Variants in CNNM4 observed in about 807,000 individuals in gnomAD.
The protein encoded by CNNM4 is metal transporter CNNM4.
A neutral mutation model predicts 53.7 loss-of-function variants in CNNM4; 32 were observed. That is an observed-to-expected ratio of 0.60 (90% CI 0.45 to 0.80). The LOEUF (loss-of-function observed/expected upper bound fraction) is 0.80. CNNM4 is among the 30% of genes least tolerant of loss of function. CNNM4 has a pLI of 0.00. For synonymous variants in CNNM4, 410 were observed against 440.0 expected (o/e 0.93, Z 0.85); for missense variants, 784 against 1,022.0 (o/e 0.77, Z 3.17).
chr2:96,771,038 C>T (rs1574055794), intron 1 of CNNM4, among the ~76,000 whole-genome samples: 1 of 152,170 alleles, frequency 6.6e-6, no homozygotes, highest in Non-Finnish European at 1.5e-5. Context: ...CAGAGGTACC[C>T]GGCTGGCCCT....
chr2:96,766,646 T>C (rs989870251), intron 1 of CNNM4, among the ~76,000 whole-genome samples: 13 of 152,198 alleles, frequency 8.5e-5, no homozygotes, highest in African/African-American at 2.9e-4. Context: ...TTTACTGTGT[T>C]GTCTACTGTC....
In CNNM4 at chr2:96,761,005, G is replaced by A. The variant is rs2078754582; in HGVS notation, c.6G>A (p.Ala2=). The A allele has an allele frequency of 2.6e-6, 3 of 1,154,040 alleles. No individual in the cohort carries two copies. Among genetic ancestry groups the A allele is most frequent in the Non-Finnish European group, 3.2e-6 (3 of 938,230 alleles). 71.5% of individuals were successfully genotyped at this position (1,154,040 alleles called of 1,614,324 possible). The change falls in exon 1 of 7, where the codon GCG becomes GCA. Residue 2 remains alanine (A), a synonymous_variant. Transcript: ENST00000377075. The surrounding 1 kb of genome is among the most constrained non-coding windows in gnomAD (Gnocchi z 6.0). Reference sequence around the variant, plus strand: ...GGCGGCAGAGCCAGAGCAACATGGCGCCGGTGGGCGGGGGCGGGCGCCCGG... The same window carrying A: ...GGCGGCAGAGCCAGAGCAACATGGCACCGGTGGGCGGGGGCGGGCGCCCGG... M[A]PVGGGGRPVG...
At chr2:96,763,834 CAGAGACTGG>C (rs2078787689) in intron 1 of CNNM4, among the ~76,000 whole-genome samples, 1 of 138,420 alleles carries the variant, frequency 7.2e-6, no homozygotes, top group African/African-American at 2.7e-5. Flanking sequence ...GGCCTCCCTG[CAGAGACTGG>C]AGAGACAGAC....
At chr2:96,804,671 G>A (rs928421383) in intron 5 of CNNM4, among the ~76,000 whole-genome samples, 3 of 152,006 alleles carry the variant, frequency 2.0e-5, no homozygotes, top group African/African-American at 4.8e-5. Flanking sequence ...AACGTGCTGG[G>A]ATTACAGGCG....
intron 1 of CNNM4, among the ~76,000 whole-genome samples, chr2:96,765,131 G>GT (rs775265974): frequency 3.5e-3 from 340 of 96,306 alleles, no homozygotes; most frequent in South Asian, 9.5e-3. Context: ...GTTTGTTGTT[G>GT]TTTTTTTTTT....
chr2:96,800,607 A>C lies in CNNM4; in HGVS notation c.1948+959A>C, dbSNP rs551073208. Among the ~76,000 whole-genome samples the C allele has an allele frequency of 1.3e-5, 2 of 152,364 alleles. No homozygotes were observed. Among genetic ancestry groups the C allele is most frequent in the Non-Finnish European group, 2.9e-5 (2 of 68,016 alleles). Reference sequence around the variant, plus strand: ...CTGGGCAGGGGACAGACAGGGCCCCAGAGCGGGGCTCTGAGCAGGTTAACC... The same window carrying C: ...CTGGGCAGGGGACAGACAGGGCCCCCGAGCGGGGCTCTGAGCAGGTTAACC... On this transcript the variant is annotated intron_variant, in intron 5 of 6. Coordinates refer to ENST00000377075, the MANE Select transcript of CNNM4 (RefSeq NM_020184.4). The surrounding 1 kb of genome is among the most constrained non-coding windows in gnomAD (Gnocchi z 4.6).
At chr2:96,790,003 A>ATT (rs1014369887) in intron 1 of CNNM4, among the ~76,000 whole-genome samples, 44 of 61,686 alleles carry the variant, frequency 7.1e-4, no homozygotes, top group Admixed American at 2.3e-3. Flanking sequence ...CCGGGCTAGA[A>ATT]TTTTTTTTTT....
chr2:96,779,953 C>T (rs1167254961), intron 1 of CNNM4, among the ~76,000 whole-genome samples: 1 of 152,108 alleles, frequency 6.6e-6, no homozygotes, highest in Non-Finnish European at 1.5e-5. Flanking sequence ...CAGGCACGTG[C>T]CACCACACCC....
chr2:96,790,818 T>A (rs1011156018), intron 1 of CNNM4, among the ~76,000 whole-genome samples: 2 of 151,120 alleles, frequency 1.3e-5, no homozygotes, highest in Admixed American at 1.3e-4. Context: ...ATCTCATCTC[T>A]ACTAAAAATA....
chr2:96,782,478 C>T (rs758461112), intron 1 of CNNM4, among the ~76,000 whole-genome samples: 1 of 151,692 alleles, frequency 6.6e-6, no homozygotes, highest in Admixed American at 6.6e-5. Flanking sequence ...ATTGTTTTCC[C>T]GCTGTTAAAC....
chr2:96,779,159 C>T (rs2078951668), intron 1 of CNNM4, among the ~76,000 whole-genome samples: 1 of 152,204 alleles, frequency 6.6e-6, no homozygotes, highest in East Asian at 1.9e-4. Flanking sequence ...GGGGTTTCAC[C>T]GTGTTAGCCA....
At position 96,808,473 on chromosome 2, in the gene CNNM4, C is replaced by G; in HGVS notation, c.1949-88C>G. ...CTTCCTGTTCCTGGGTGGGGTGTCCCTGGGCTTCCATGGGATGAGGTGAGA... is the reference window on the plus strand; with the variant it reads ...CTTCCTGTTCCTGGGTGGGGTGTCCGTGGGCTTCCATGGGATGAGGTGAGA... On this transcript the variant is annotated intron_variant, in intron 5 of 6. Coordinates refer to ENST00000377075, the MANE Select transcript of CNNM4 (RefSeq NM_020184.4). The surrounding 1 kb of genome is among the most constrained non-coding windows in gnomAD (Gnocchi z 4.9). 7.0e-7 allele frequency: 1 copy of G among 1,424,290 alleles called. No individual in the cohort carries two copies. Among genetic ancestry groups the G allele is most frequent in the Non-Finnish European group, 9.8e-7 (1 of 1,018,260 alleles). The allele number at this position is 1,424,290 out of a possible 1,614,324, so 88.2% of individuals were successfully genotyped here.
Position 96,761,629 on chromosome 2 carries a change from C to A in CNNM4, c.630C>A (p.Asp210Glu). 1 of 1,613,876 alleles carries A rather than the reference C, an allele frequency of 6.2e-7. No homozygotes were observed. The highest frequency in any genetic ancestry group is 8.5e-7 in the Non-Finnish European group (1 of 1,180,030). ...TCAACCTCGGGCTTATGGCCCTGGA[C>A]CCCATGGAGCTGCGCATCGTGCAGA... ...SGLNLGLMAL[D>E]PMELRIVQNC... The change falls in exon 1 of 7, where the codon GAC (aspartate) becomes GAA (glutamate). Residue 210 changes from aspartate (D) to glutamate (E), a missense_variant. Physicochemically the swap from Asp to Glu is conservative, Grantham distance 45 (BLOSUM62 2). This residue lies in a region of CNNM4 where 473 missense variants were observed against 624.6 expected (regional missense o/e 0.76). Transcript: ENST00000377075. This position sits in a 1 kb window ranked among gnomAD's most constrained non-coding sequence, Gnocchi z 6.0.
At position 96,801,657 on chromosome 2, in the gene CNNM4, C is replaced by A. The variant is rs2079159945; in HGVS notation, c.1948+2009C>A. Among the ~76,000 whole-genome samples the A allele has an allele frequency of 7.3e-6, 1 of 136,580 alleles. No individual in the cohort carries two copies. Among genetic ancestry groups the A allele is most frequent in the Non-Finnish European group, 1.6e-5 (1 of 63,004 alleles). The allele number at this position is 136,580 out of a possible 152,430, so 89.6% of individuals were successfully genotyped here. On this transcript the variant is annotated intron_variant, in intron 5 of 6. Coordinates refer to ENST00000377075, the MANE Select transcript of CNNM4 (RefSeq NM_020184.4). The surrounding 1 kb of genome is among the most constrained non-coding windows in gnomAD (Gnocchi z 5.6). ...AGAGACCACACACATGCAGAGAGACCACACACACACACACACAGAGACCAC... is the reference window on the plus strand; with the variant it reads ...AGAGACCACACACATGCAGAGAGACAACACACACACACACACAGAGACCAC...
chr2:96,811,173 A>G lies in CNNM4; in HGVS notation c.*1656A>G, dbSNP rs946866596. ...CTGGCCAGTCTGAGGTCTCCTAGCC[A>G]TAGAACTGACTCCTGGAAGCCTGGA... On this transcript the variant is annotated 3_prime_UTR_variant, in exon 7 of 7. Transcript: ENST00000377075. The G allele has an allele frequency of 2.6e-5, 4 of 152,288 alleles. No homozygotes were observed. The highest frequency in any genetic ancestry group is 7.2e-5 in the African/African-American group (3 of 41,438). 9.4% of individuals were successfully genotyped at this position (152,288 alleles called of 1,614,324 possible).
intron 5 of CNNM4, among the ~76,000 whole-genome samples, chr2:96,805,579 G>T (rs2079196953): frequency 8.0e-6 from 1 of 125,078 alleles, no homozygotes; most frequent in Non-Finnish European, 1.7e-5. Flanking sequence ...GTTTTCCTAG[G>T]CAGAGGACCC....
intron 1 of CNNM4, among the ~76,000 whole-genome samples, chr2:96,791,287 G>C (rs2079060331): frequency 6.6e-6 from 1 of 151,988 alleles, no homozygotes; most frequent in Admixed American, 6.6e-5. Flanking sequence ...GTATTTTAAT[G>C]AGCTACCTTA....
At position 96,765,024 on chromosome 2, in the gene CNNM4, G is replaced by GTTTTTTTT. The variant is rs1158502593; in HGVS notation, c.1402+2658_1402+2665dup. On this transcript the variant is annotated intron_variant, in intron 1 of 6. Coordinates refer to ENST00000377075, the MANE Select transcript of CNNM4 (RefSeq NM_020184.4). The stretch of plus-strand genomic sequence containing the variant: ...GTTTAGGAGTCTGGTGTTGGGAATG[G>GTTTTTTTT]TTTTTTTTTTTTTTTTTTTTTTTTT... Among the ~76,000 whole-genome samples the GTTTTTTTT allele has an allele frequency of 4.3e-4, 18 of 41,558 alleles. 6 individuals carry two copies. The highest frequency in any genetic ancestry group is 4.8e-4 in the Non-Finnish European group (11 of 22,800). The allele number at this position is 41,558 out of a possible 152,430, so 27.3% of individuals were successfully genotyped here.
chr2:96,801,112 C>T lies in CNNM4; in HGVS notation c.1948+1464C>T. The T allele has an allele frequency of 1.0e-6, 1 of 985,424 alleles. No homozygotes were observed. The highest frequency in any genetic ancestry group is 1.2e-6 in the Non-Finnish European group (1 of 829,912). The allele number at this position is 985,424 out of a possible 1,614,324, so 61.0% of individuals were successfully genotyped here. A position where few individuals can be genotyped will look rare whatever the true frequency, so the allele number is the denominator to read the frequency against. ...TCGGGTGTCCGCCTGGCAAGCGGAA[C>T]TCCCTGCTCTGCTGGCTCACAGGTA... On this transcript the variant is annotated intron_variant, in intron 5 of 6. Coordinates refer to ENST00000377075, the MANE Select transcript of CNNM4 (RefSeq NM_020184.4). This position sits in a 1 kb window ranked among gnomAD's most constrained non-coding sequence, Gnocchi z 5.6.
Sources: allele counts gnomAD v4.1 joint callset (sites outside exome capture counted in the v4.1 genomes callset), GRCh38; gene constraint gnomAD v4.1.1; regional missense constraint gnomAD v4.1.1; non-coding constraint Gnocchi (gnomAD v3.1); transcripts MANE v1.5; gene names NCBI Gene and HGNC (gene_info 2026-07-23, HGNC 2026-07-21).